TJP3: variants seen among roughly 807,000 people sequenced by gnomAD.
The protein encoded by TJP3 is tight junction protein ZO-3.
TJP3 carries 85 observed loss-of-function variants against 104.2 expected under a neutral mutation model. The ratio of observed to expected loss-of-function variants is 0.82; its 90% CI spans 0.68 to 0.98. TJP3 has a LOEUF of 0.98. Among genes scored for constraint, TJP3 ranks in the 50% least tolerant of loss-of-function variants. TJP3 has a pLI of 0.00. For synonymous variants in TJP3, 550 were observed against 550.6 expected, an observed-to-expected ratio of 1.00 and a Z score of 0.02; for missense variants, 1,367 against 1,322.8, an observed-to-expected ratio of 1.03 and a Z score of -0.52.
At chr19:3,719,109 C>T (rs1327851686) in intron 1 of TJP3, among the ~76,000 whole-genome samples, 2 of 151,910 alleles carry the variant, frequency 1.3e-5, no homozygotes, top group Admixed American at 1.3e-4. Context: ...GTGTGAACCC[C>T]GCAGGCGGAG....
At chr19:3,739,439 G>A (rs891459900) in intron 13 of TJP3, among the ~76,000 whole-genome samples, 8 of 152,146 alleles carry the variant, frequency 5.3e-5, no homozygotes, top group South Asian at 2.1e-4. Context: ...ACAGTGAGCC[G>A]AGATCACGCC....
At chr19:3,721,231 G>A (rs931738654) in intron 1 of TJP3, among the ~76,000 whole-genome samples, 74 of 152,024 alleles carry the variant, frequency 4.9e-4, no homozygotes, top group Admixed American at 3.2e-3. Flanking sequence ...CTGGATGCTG[G>A]GTGTGAAGAC....
chr19:3,739,829 C>T (rs916627622), intron 13 of TJP3, among the ~76,000 whole-genome samples: 1 of 152,140 alleles, frequency 6.6e-6, no homozygotes, highest in African/African-American at 2.4e-5. Context: ...ACAGCCTCTT[C>T]TAGTCTCTCT....
intron 11 of TJP3, among the ~76,000 whole-genome samples, chr19:3,737,983 G>A (rs193174254): frequency 2.1e-4 from 31 of 148,670 alleles, no homozygotes; most frequent in Non-Finnish European, 3.7e-4. Context: ...GTCATGACCC[G>A]GAGAGCAGGT....
chr19:3,728,794 C>T (rs1258189972), intron 3 of TJP3, 81 bp downstream of exon 3: 11 of 1,459,716 alleles, frequency 7.5e-6, no homozygotes, highest in Admixed American at 1.9e-5. Context: ...GACTCACACC[C>T]GTCATCCCAG....
Position 3,740,677 on chromosome 19 carries a change from A to C in TJP3, c.1757A>C (p.Lys586Thr). 3 of 1,607,580 alleles carry C rather than the reference A, an allele frequency of 1.9e-6. No homozygotes were observed. The highest frequency in any genetic ancestry group is 1.1e-5 in the South Asian group (1 of 90,632). ...RLRGLRRGAK[K>T]TTQRSREDLS... ...CGGGGTCTTCGTCGAGGAGCCAAGA[A>C]GACCACTCAGCGGAGCCGTGAGGAC... Residue 586 changes from lysine (K) to threonine (T), a missense_variant, in exon 14 of 21, where the codon AAG becomes ACG. Coordinates refer to ENST00000541714, the MANE Select transcript of TJP3 (RefSeq NM_001267560.2).
chr19:3,730,672 G>A lies in TJP3; in HGVS notation c.579G>A (p.Val193=). ...LPRQDVQMKP[V]KSVLVKRRDS... is the part of the protein sequence containing the mutation. ...GGCAGGACGTGCAGATGAAGCCTGT[G>A]AAGTCAGTGCTGGTGAAGAGGAGAG... is the stretch of plus-strand genomic sequence containing the variant. Residue 193 remains valine (V), a synonymous_variant, in exon 5 of 21, where the codon GTG becomes GTA. Transcript: ENST00000541714. The surrounding 1 kb of genome is among the most constrained non-coding windows in gnomAD (Gnocchi z 7.3). The A allele has an allele frequency of 6.2e-7, 1 of 1,610,540 alleles. No homozygotes were observed. Among genetic ancestry groups the A allele is most frequent in the Non-Finnish European group, 8.5e-7 (1 of 1,179,978 alleles).
intron 11 of TJP3, among the ~76,000 whole-genome samples, 164 bp from the exon 12 acceptor site, chr19:3,738,391 T>G (rs2145693274): frequency 1.3e-5 from 2 of 152,284 alleles, no homozygotes; most frequent in Middle Eastern, 6.8e-3. Flanking sequence ...CACACAGCCA[T>G]AGGGTGATAC....
intron 1 of TJP3, among the ~76,000 whole-genome samples, chr19:3,728,090 A>T (rs1475907404): frequency 6.6e-6 from 1 of 151,772 alleles, no homozygotes; most frequent in African/African-American, 2.4e-5. Context: ...AAATATAAAG[A>T]TTAGCCAGGT....
Position 3,746,118 on chromosome 19 carries a change from T to G in TJP3, c.2010+37T>G. On this transcript the variant is annotated intron_variant, in intron 16 of 20. Transcript: ENST00000541714. This position sits in a 1 kb window ranked among gnomAD's most constrained non-coding sequence, Gnocchi z 4.1. The stretch of plus-strand genomic sequence containing the variant: ...CCTGCTACGGGTCCCATTTCATGGA[T>G]GGGGGAAACCGAGGCCTGGGCATCC... The G allele has an allele frequency of 1.9e-6, 3 of 1,574,538 alleles. No individual in the cohort carries two copies. Among genetic ancestry groups the G allele is most frequent in the Non-Finnish European group, 2.6e-6 (3 of 1,155,830 alleles).
rs926786294 is a variant in TJP3 at position 3,743,789 on chromosome 19, A to G, written c.1844-150A>G. 11 of 656,586 alleles carry G rather than the reference A, an allele frequency of 1.7e-5. No homozygotes were observed. The Admixed American group carries it at 2.0e-4, about 12-fold the overall frequency. The allele number at this position is 656,586 out of a possible 1,614,324, so 40.7% of individuals were successfully genotyped here. ...CATAAGGCTAACCTAGCTGCAAAGG[A>G]CACTGGGAGATGTAGTATTTGGCTG... On this transcript the variant is annotated intron_variant, in intron 14 of 20. Coordinates refer to ENST00000541714, the MANE Select transcript of TJP3 (RefSeq NM_001267560.2).
At chr19:3,738,710 AC>A in intron 12 of TJP3, 47 bp downstream of exon 12, 1 of 1,550,974 alleles carries the variant, frequency 6.4e-7, no homozygotes, top group Non-Finnish European at 8.9e-7. Flanking sequence ...CGGGGGGAGG[AC>A]CTGGCTGTGT....
Position 3,746,656 on chromosome 19 carries a change from G to T in TJP3, c.2182G>T (p.Ala728Ser). ...CAGCACCCGTCGCCTCTACGCACAA[G>T]CCCAGAAGCTGCGAAAACACAGCAG... ...RRSTRRLYAQ[A>S]QKLRKHSSHL... The change falls in exon 17 of 21, where the codon GCC (alanine) becomes TCC (serine). Residue 728 changes from alanine (A) to serine (S), a missense_variant. Physicochemically the swap from Ala to Ser is moderately conservative, Grantham distance 99. Transcript: ENST00000541714. This position sits in a 1 kb window ranked among gnomAD's most constrained non-coding sequence, Gnocchi z 4.1. 6.2e-7 allele frequency: 1 copy of T among 1,613,320 alleles called. No homozygotes were observed. The highest frequency in any genetic ancestry group is 8.5e-7 in the Non-Finnish European group (1 of 1,179,784).
intron 1 of TJP3, among the ~76,000 whole-genome samples, chr19:3,716,801 A>ATATATATATTTT (rs1421328174): frequency 1.8e-4 from 15 of 81,936 alleles, no homozygotes; most frequent in African/African-American, 6.9e-4. Flanking sequence ...ATATATATAT[A>ATATATATATTTT]TTTTTTTTTT....
Position 3,736,303 on chromosome 19 carries a change from G to T in TJP3, c.1266G>T (p.Glu422Asp). 1 of 1,536,380 alleles carries T rather than the reference G, an allele frequency of 6.5e-7. No individual in the cohort carries two copies. Among genetic ancestry groups the T allele is most frequent in the East Asian group, 2.3e-5 (1 of 44,116 alleles). ...GSPADGQGIQ[E>D]GDQILQVNDV... ...CGGCCGACGGGCAGGGCATCCAGGA[G>T]GGAGATCAGATTCTGCAGGTGCTCC... is the stretch of plus-strand genomic sequence containing the variant. The change falls in exon 11 of 21, where the codon GAG becomes GAT. Residue 422 changes from glutamate to aspartate, a missense_variant. By Grantham distance (45) the Glu-to-Asp change is conservative. Coordinates refer to ENST00000541714, the MANE Select transcript of TJP3 (RefSeq NM_001267560.2).
rs754638272 is a variant in TJP3, at chr19:3,739,076, G to A, written c.1573G>A (p.Val525Met). 5.6e-6 allele frequency: 9 copies of A among 1,604,924 alleles called. No individual in the cohort carries two copies. Among genetic ancestry groups the A allele is most frequent in the South Asian group, 5.5e-5 (5 of 90,326 alleles). ...SHARGGHWLAVRMGRDLREQE... is the reference protein window; with the variant it reads ...SHARGGHWLAMRMGRDLREQE... ...CGCACGAGGAGGCCACTGGCTGGCG[G>A]TGCGCATGGGTCGTGACCTGCGGGA... Residue 525 changes from valine to methionine, a missense_variant, in exon 13 of 21, where the codon GTG (valine) becomes ATG (methionine). Physicochemically the swap from Val to Met is conservative, Grantham distance 21. Coordinates refer to ENST00000541714, the MANE Select transcript of TJP3 (RefSeq NM_001267560.2).
At chr19:3,728,288 A>C (rs2036622772) in intron 1 of TJP3, 136 bp from the exon 2 acceptor site, 3 of 1,361,932 alleles carry the variant, frequency 2.2e-6, no homozygotes, top group African/African-American at 1.5e-5. Context: ...TGAGGCCCTG[A>C]GAGAGGTAGT....
intron 1 of TJP3, among the ~76,000 whole-genome samples, chr19:3,712,248 A>G (rs567760500): frequency 6.6e-6 from 1 of 152,142 alleles, no homozygotes; most frequent in Non-Finnish European, 1.5e-5. Flanking sequence ...CCTGGGAGGC[A>G]GAGGTTGCAG....
At chr19:3,726,066 G>A (rs904611921) in intron 1 of TJP3, among the ~76,000 whole-genome samples, 4 of 152,254 alleles carry the variant, frequency 2.6e-5, no homozygotes, top group Non-Finnish European at 5.9e-5. Flanking sequence ...GCACTGGAGC[G>A]CACCAATGGG....
Sources: gnomAD v4.1 joint callset for allele counts (sites outside exome capture counted in the v4.1 genomes callset) on GRCh38, gnomAD v4.1.1 for gene constraint, Gnocchi (gnomAD v3.1) non-coding constraint, MANE v1.5 for transcripts, NCBI Gene and HGNC (gene_info 2026-07-23, HGNC 2026-07-21) for gene names.